SP3: variants seen among roughly 807,000 people sequenced by gnomAD.
SP3 encodes the protein transcription factor Sp3.
SP3 carries 10 observed loss-of-function variants against 70.3 expected under a neutral mutation model. The observed-to-expected ratio is 0.14, with a 90% CI of 0.09 to 0.24. The LOEUF (loss-of-function observed/expected upper bound fraction) is 0.24, where lower values mean the gene tolerates loss of function less well. Ranked by LOEUF, SP3 falls within the 10% of genes least tolerant of loss-of-function variation. The probability of loss-of-function intolerance (pLI) is 1.00; values close to 1 mark genes in which losing one functional copy is unlikely to be tolerated. For missense variants in SP3, 825 were observed against 914.6 expected (o/e 0.90, Z 1.26); for synonymous variants, 402 against 333.5 (o/e 1.21, Z -2.24).
intron 3 of SP3, among the ~76,000 whole-genome samples, chr2:173,960,655 C>G (rs1246273797): frequency 1.3e-5 from 2 of 152,146 alleles, no homozygotes; most frequent in African/African-American, 4.8e-5. Flanking sequence ...AACCAAAGAT[C>G]AAGCAATCAC....
At chr2:173,949,793 A>G (rs1224295951) in intron 4 of SP3, among the ~76,000 whole-genome samples, 1 of 152,232 alleles carries the variant, frequency 6.6e-6, no homozygotes. Flanking sequence ...TGCTTTTAAG[A>G]AGAAATGACT....
chr2:173,901,194 AGAT>A lies in SP3; in HGVS notation c.*8744_*8746del, dbSNP rs1689183482. On this transcript the variant is annotated 3_prime_UTR_variant, in exon 7 of 7. Coordinates refer to ENST00000310015, the MANE Select transcript of SP3 (RefSeq NM_003111.5). ...AAAGTAATTTCAAAGTGAATTAACA[AGAT>A]AAATAGAAAGGCAAAATCATAAAAT... Among the ~76,000 whole-genome samples the A allele has an allele frequency of 2.7e-5, 1 of 36,734 alleles. No individual in the cohort carries two copies. The highest frequency in any genetic ancestry group is 7.2e-5 in the Non-Finnish European group (1 of 13,874). 24.1% of individuals were successfully genotyped at this position (36,734 alleles called of 152,430 possible). A position where few individuals can be genotyped will look rare whatever the true frequency, so the allele number is the denominator to read the frequency against.
chr2:173,927,156 A>T (rs1259476252), intron 4 of SP3, among the ~76,000 whole-genome samples: 2 of 152,172 alleles, frequency 1.3e-5, no homozygotes, highest in Non-Finnish European at 2.9e-5. Context: ...GGATGGTGGT[A>T]AGCCATGGGA....
intron 3 of SP3, among the ~76,000 whole-genome samples, chr2:173,961,340 T>C (rs1022835964): frequency 6.6e-6 from 1 of 152,224 alleles, no homozygotes; most frequent in African/African-American, 2.4e-5. Context: ...GCACAGTTGA[T>C]TGGCTTTTCA....
intron 6 of SP3, 69 bp downstream of exon 6, chr2:173,913,001 A>G: frequency 8.2e-7 from 1 of 1,213,198 alleles, no homozygotes; most frequent in Non-Finnish European, 1.1e-6. Flanking sequence ...AATGCTAATA[A>G]AAAAGAAGTC....
intron 6 of SP3, 100 bp from the exon 7 acceptor site, chr2:173,910,357 G>T: frequency 2.2e-6 from 2 of 925,556 alleles, no homozygotes; most frequent in Non-Finnish European, 3.3e-6. Context: ...TGACAGGTGA[G>T]GATGGGAGCA....
chr2:173,964,099 C>T (rs1430116841), intron 2 of SP3: 1 of 349,062 alleles, frequency 2.9e-6, no homozygotes, highest in East Asian at 4.4e-5. Flanking sequence ...CTCCCCGGTC[C>T]GCGGGCAGGC....
intron 4 of SP3, among the ~76,000 whole-genome samples, chr2:173,926,665 A>G (rs2095250093): frequency 6.6e-6 from 1 of 152,250 alleles, no homozygotes; most frequent in African/African-American, 2.4e-5. Context: ...ATGCCCAGAT[A>G]ATTTTAAAAT....
At chr2:173,930,905 A>T (rs576196018) in intron 4 of SP3, among the ~76,000 whole-genome samples, 1 of 152,344 alleles carries the variant, frequency 6.6e-6, no homozygotes, top group African/African-American at 2.4e-5. Context: ...AGTAAAACTC[A>T]AAGGTAAAAT....
chr2:173,906,150 C>G lies in SP3; in HGVS notation c.*3791G>C, dbSNP rs921460988. On this transcript the variant is annotated 3_prime_UTR_variant, in exon 7 of 7. Coordinates refer to ENST00000310015, the MANE Select transcript of SP3 (RefSeq NM_003111.5). The stretch of plus-strand genomic sequence containing the variant: ...AAAAATTTTTCCACTCTGTCCCTCA[C>G]AAAGTCCCCCATCACCCAACATACC... 1.3e-5 allele frequency among the ~76,000 whole-genome samples: 2 copies of G among 151,362 alleles called. No homozygotes were observed. The highest frequency in any genetic ancestry group is 4.9e-5 in the African/African-American group (2 of 41,048).
chr2:173,930,778 C>T (rs889945461), intron 4 of SP3, among the ~76,000 whole-genome samples: 1 of 152,126 alleles, frequency 6.6e-6, no homozygotes, highest in African/African-American at 2.4e-5. Context: ...CATACTATTC[C>T]TTGTATAAAT....
intron 4 of SP3, among the ~76,000 whole-genome samples, chr2:173,950,821 A>C (rs774677496): frequency 3.9e-5 from 6 of 152,212 alleles, no homozygotes; most frequent in Non-Finnish European, 4.4e-5. Flanking sequence ...AATTAGAAAG[A>C]TAGTATACCA....
intron 4 of SP3, among the ~76,000 whole-genome samples, chr2:173,944,370 G>A (rs1186110593): frequency 1.3e-5 from 2 of 152,016 alleles, no homozygotes; most frequent in Non-Finnish European, 2.9e-5. Flanking sequence ...CCCATCTCTA[G>A]AAAAAATACA....
chr2:173,926,970 T>G (rs189702054), intron 4 of SP3, among the ~76,000 whole-genome samples: 1 of 152,162 alleles, frequency 6.6e-6, no homozygotes, highest in Non-Finnish European at 1.5e-5. Flanking sequence ...ATAGGAAGCA[T>G]GATTCTGGCA....
chr2:173,918,690 G>A lies in SP3; in HGVS notation c.1735C>T (p.Gln579Ter). 6.2e-7 allele frequency: 1 copy of A among 1,613,552 alleles called. No individual in the cohort carries two copies. Among genetic ancestry groups the A allele is most frequent in the Non-Finnish European group, 8.5e-7 (1 of 1,179,758 alleles). Residue 579 changes from glutamine to a stop codon, truncating the protein, a stop_gained, in exon 5 of 7, where the codon CAG becomes TAG. Transcript: ENST00000310015. LOFTEE classifies it high-confidence loss of function. ...NTNDLTHLRV[Q>*]VVDEEGDQQH... Reference sequence around the variant, plus strand: ...TGGTCCCCTTCTTCATCTACCACCTGTACTCTTAAGTGTGTTAGGTCATTG... The same window carrying A: ...TGGTCCCCTTCTTCATCTACCACCTATACTCTTAAGTGTGTTAGGTCATTG...
chr2:173,928,622 G>A (rs544353740), intron 4 of SP3, among the ~76,000 whole-genome samples: 3 of 151,878 alleles, frequency 2.0e-5, no homozygotes, highest in Non-Finnish European at 4.4e-5. Flanking sequence ...TGCTTTAAAT[G>A]ATCCACTAAA....
At chr2:173,940,210 CA>C (rs1380535134) in intron 4 of SP3, among the ~76,000 whole-genome samples, 1 of 152,160 alleles carries the variant, frequency 6.6e-6, no homozygotes, top group Non-Finnish European at 1.5e-5. Flanking sequence ...CAGCGGTCCC[CA>C]ACCTTTTTGG....
intron 4 of SP3, among the ~76,000 whole-genome samples, chr2:173,924,038 T>G (rs1244266202): frequency 6.6e-6 from 1 of 152,054 alleles, no homozygotes; most frequent in East Asian, 1.9e-4. Flanking sequence ...GTTAACACTT[T>G]AGGGGTTAGG....
Position 173,962,732 on chromosome 2 carries a change from G to T in SP3, c.279+1029C>A, listed in dbSNP as rs560975975. 5.9e-5 allele frequency among the ~76,000 whole-genome samples: 9 copies of T among 151,952 alleles called. No individual in the cohort carries two copies. In the South Asian group the frequency reaches 1.9e-3, roughly 32 times the overall value. ...CTTCTGTCTTCAGTGACTATTGAAA[G>T]TATCACTCCACAAATCAATTCCTAT... is the stretch of plus-strand genomic sequence containing the variant. On this transcript the variant is annotated intron_variant, in intron 3 of 6. Coordinates refer to ENST00000310015, the MANE Select transcript of SP3 (RefSeq NM_003111.5).
Sources: gnomAD v4.1 joint callset for allele counts (sites outside exome capture counted in the v4.1 genomes callset) on GRCh38, gnomAD v4.1.1 for gene constraint, MANE v1.5 for transcripts, NCBI Gene and HGNC (gene_info 2026-07-23, HGNC 2026-07-21) for gene names.